GLI2: variants seen among roughly 807,000 people sequenced by gnomAD.
GLI2 encodes GLI family zinc finger 2.
GLI2 carries 22 observed loss-of-function variants against 78.9 expected under a neutral mutation model. The observed-to-expected ratio is 0.28, with a 90% CI of 0.20 to 0.40. The LOEUF is 0.40. GLI2 is among the 10% of genes least tolerant of loss of function. The pLI is 1.00. For missense variants in GLI2, 2,097 were observed against 2,213.2 expected (o/e 0.95, Z 1.05); for synonymous variants, 974 against 963.7 (o/e 1.01, Z -0.20).
intron 2 of GLI2, among the ~76,000 whole-genome samples, chr2:120,872,635 G>C (rs1189081945): frequency 6.6e-6 from 1 of 152,240 alleles, no homozygotes; most frequent in Non-Finnish European, 1.5e-5. Flanking sequence ...CAGGCTTCTG[G>C]TGACAAGCCA....
chr2:120,908,796 G>A (rs1265395500), intron 2 of GLI2, among the ~76,000 whole-genome samples: 1 of 152,248 alleles, frequency 6.6e-6, no homozygotes, highest in Non-Finnish European at 1.5e-5. Flanking sequence ...TTCAGGGTGG[G>A]TGGTTTGGTT....
At chr2:120,802,429 C>G (rs1160785660) in intron 2 of GLI2, among the ~76,000 whole-genome samples, 1 of 152,216 alleles carries the variant, frequency 6.6e-6, no homozygotes, top group African/African-American at 2.4e-5. Context: ...TGCTGTTGTG[C>G]TAACACTTTG....
intron 2 of GLI2, among the ~76,000 whole-genome samples, chr2:120,826,121 GGCTGGGTGGGGTGGGAGGGA>G (rs1430695936): frequency 6.6e-6 from 1 of 152,194 alleles, no homozygotes; most frequent in Non-Finnish European, 1.5e-5. Flanking sequence ...CTTCCAACCC[GGCTGGGTGGGGTGGGAGGGA>G]GCTGTGGCTG....
intron 2 of GLI2, chr2:120,866,667 C>T (rs1688149953): frequency 6.6e-6 from 1 of 151,956 alleles, no homozygotes; most frequent in Non-Finnish European, 1.5e-5. Flanking sequence ...TGGTGAGTGG[C>T]TGAGTGGAAT....
intron 2 of GLI2, among the ~76,000 whole-genome samples, chr2:120,870,712 A>C (rs950271880): frequency 6.6e-6 from 1 of 152,106 alleles, no homozygotes; most frequent in Non-Finnish European, 1.5e-5. Flanking sequence ...TCGATCCCAG[A>C]GCCTAGGGTG....
Position 120,988,202 on chromosome 2 carries a change from C to T in GLI2, c.2243-6C>T. 6.3e-7 allele frequency: 1 copy of T among 1,586,070 alleles called. No homozygotes were observed. On this transcript the variant is annotated splice_polypyrimidine_tract_variant and splice_region_variant and intron_variant, in intron 13 of 13. Transcript: ENST00000361492. ...TCCCGGTGCTGACCCCTCTGCTCTCCCGCAGGCTCCATCCTGGAAAACTTC... is the reference window on the plus strand; with the variant it reads ...TCCCGGTGCTGACCCCTCTGCTCTCTCGCAGGCTCCATCCTGGAAAACTTC...
At chr2:120,773,781 C>T (rs1257213141) in intron 1 of GLI2, among the ~76,000 whole-genome samples, 1 of 152,004 alleles carries the variant, frequency 6.6e-6, no homozygotes, top group African/African-American at 2.4e-5. Context: ...TCAGCCAGGC[C>T]GCTTCATGGA....
intron 1 of GLI2, among the ~76,000 whole-genome samples, chr2:120,774,023 A>C: frequency 6.8e-6 from 1 of 146,216 alleles, no homozygotes; most frequent in Non-Finnish European, 1.5e-5. Flanking sequence ...CCCTTCCATC[A>C]TCCACTACCC....
intron 2 of GLI2, among the ~76,000 whole-genome samples, chr2:120,916,691 C>T (rs911155369): frequency 6.6e-6 from 1 of 152,226 alleles, no homozygotes; most frequent in East Asian, 1.9e-4. Flanking sequence ...GTAGGGGAAG[C>T]CTTGACCTGC....
intron 2 of GLI2, among the ~76,000 whole-genome samples, chr2:120,850,598 T>G (rs998211381): frequency 6.6e-6 from 1 of 152,212 alleles, no homozygotes; most frequent in Non-Finnish European, 1.5e-5. Flanking sequence ...AGGGAAGACC[T>G]GAGGTCCCAG....
intron 1 of GLI2, among the ~76,000 whole-genome samples, chr2:120,790,099 ACCATGGATC>A (rs1299781360): frequency 1.3e-5 from 2 of 152,206 alleles, no homozygotes; most frequent in Non-Finnish European, 2.9e-5. Flanking sequence ...CAACATGGGA[ACCATGGATC>A]CCAGGGGATT....
chr2:120,938,027 C>T (rs942121352), intron 3 of GLI2, among the ~76,000 whole-genome samples: 3 of 152,220 alleles, frequency 2.0e-5, no homozygotes, highest in African/African-American at 2.4e-5. Context: ...TCCTTATTCC[C>T]GCCCATGGCT....
chr2:120,830,866 C>T (rs1471095493), intron 2 of GLI2, among the ~76,000 whole-genome samples: 1 of 151,966 alleles, frequency 6.6e-6, no homozygotes, highest in Non-Finnish European at 1.5e-5. Flanking sequence ...TTGTCTGTCC[C>T]TCTCTTCTCT....
chr2:120,818,715 GC>G (rs1009316132), intron 2 of GLI2, among the ~76,000 whole-genome samples: 3 of 152,216 alleles, frequency 2.0e-5, no homozygotes, highest in African/African-American at 7.2e-5. Flanking sequence ...CCTGTGCCCT[GC>G]CAAATCCCAA....
intron 2 of GLI2, among the ~76,000 whole-genome samples, chr2:120,871,134 C>T (rs982214431): frequency 7.9e-5 from 12 of 152,254 alleles, no homozygotes; most frequent in African/African-American, 2.9e-4. Context: ...CTTCTCCAGG[C>T]CAGAGCCTGG....
chr2:120,955,445 C>A lies in GLI2; in HGVS notation c.643+15C>A. ...CCCCGTGGACGGTGAGTGCTGGCCC[C>A]CAGGGGCTGAGGATGGGGCTAGCAG... On this transcript the variant is annotated intron_variant, in intron 5 of 13. Transcript: ENST00000361492. The A allele has an allele frequency of 1.3e-6, 2 of 1,544,784 alleles. No homozygotes were observed. The highest frequency in any genetic ancestry group is 2.3e-5 in the East Asian group (1 of 43,434).
chr2:120,892,644 C>T (rs1375562072), intron 2 of GLI2, among the ~76,000 whole-genome samples: 1 of 152,178 alleles, frequency 6.6e-6, no homozygotes, highest in Non-Finnish European at 1.5e-5. Flanking sequence ...TTCAGGGTGC[C>T]AGGAAATTAA....
chr2:120,919,562 G>T (rs1172344562), intron 2 of GLI2, among the ~76,000 whole-genome samples: 2 of 152,260 alleles, frequency 1.3e-5, no homozygotes, highest in East Asian at 3.9e-4. Context: ...GGGGACCTAT[G>T]GTCCTGACAC....
rs113063143 is a variant in GLI2, at chr2:120,984,008, G to A, written c.1633-463G>A. Among the ~76,000 whole-genome samples the A allele has an allele frequency of 1.0e-4, 15 of 149,594 alleles. 1 individual carries two copies. Among genetic ancestry groups the A allele is most frequent in the South Asian group, 4.4e-4 (2 of 4,596 alleles). ...GTTTATGAGTCCAGGACTGAGGTTC[G>A]GAAATCCTGGGTTTTTTCACCCCAT... On this transcript the variant is annotated intron_variant, in intron 11 of 13. Transcript: ENST00000361492.
Sources: allele counts gnomAD v4.1 joint callset (sites outside exome capture counted in the v4.1 genomes callset), GRCh38; gene constraint gnomAD v4.1.1; transcripts MANE v1.5; gene names NCBI Gene and HGNC (gene_info 2026-07-23, HGNC 2026-07-21).